Variants in SOX6 observed in about 807,000 individuals in gnomAD.
The protein encoded by SOX6 is transcription factor SOX-6.
SOX6 carries 11 observed loss-of-function variants against 97.8 expected under a neutral mutation model. The observed-to-expected ratio is 0.11, with a 90% CI of 0.07 to 0.19. The LOEUF is 0.19. Ranked by LOEUF, SOX6 falls within the 10% of genes least tolerant of loss-of-function variation. The probability of loss-of-function intolerance (pLI) is 1.00; values close to 1 mark genes in which losing one functional copy is unlikely to be tolerated. For synonymous variants in SOX6, 360 were observed against 371.4 expected (o/e 0.97, Z 0.35); for missense variants, 810 against 1,039.5 (o/e 0.78, Z 3.04).
At chr11:16,075,824 T>C (rs527739513) in intron 9 of SOX6, among the ~76,000 whole-genome samples, 2 of 151,566 alleles carry the variant, frequency 1.3e-5, no homozygotes, top group Non-Finnish European at 2.9e-5. Context: ...ATAAAGAAAT[T>C]CAAAAAAAGG....
chr11:16,611,513 T>C (rs1185074574), intron 4 of SOX6, among the ~76,000 whole-genome samples: 1 of 152,224 alleles, frequency 6.6e-6, no homozygotes, highest in Non-Finnish European at 1.5e-5. Context: ...TTGAAAACTT[T>C]AAGTCAGTAC....
chr11:16,049,868 G>A lies in SOX6; in HGVS notation c.1322C>T (p.Thr441Met), dbSNP rs756375984. The A allele has an allele frequency of 1.9e-5, 30 of 1,613,820 alleles. No individual in the cohort carries two copies. Among genetic ancestry groups the A allele is most frequent in the South Asian group, 2.2e-5 (2 of 91,072 alleles). ...TGGGAAGAGGTTCTGGGTGGGAGAC[G>A]TTGGGGACTTTACAGGCTCTGCTGT... The part of the protein sequence containing the change: ...PKTAEPVKSP[T>M]SPTQNLFPAS... Residue 441 changes from threonine (T) to methionine (M), a missense_variant, in exon 11 of 16, where the codon ACG (threonine) becomes ATG (methionine). Physicochemically the swap from Thr to Met is moderately conservative, Grantham distance 81. This residue lies in a region of SOX6 where 244 missense variants were observed against 261.0 expected (regional missense o/e 0.93). Transcript: ENST00000683767.
chr11:16,728,153 G>A (rs546457028), intron 2 of SOX6, among the ~76,000 whole-genome samples: 32 of 152,178 alleles, frequency 2.1e-4, no homozygotes, highest in Non-Finnish European at 3.7e-4. Flanking sequence ...GGGCACCTGT[G>A]GGCGCAGCTG....
chr11:16,193,526 A>C (rs936704356), intron 4 of SOX6, among the ~76,000 whole-genome samples: 5 of 152,234 alleles, frequency 3.3e-5, no homozygotes, highest in Non-Finnish European at 7.3e-5. Flanking sequence ...ATCAATGCAC[A>C]CATTAATAAA....
At chr11:16,629,955 C>G (rs1166880323) in intron 3 of SOX6, among the ~76,000 whole-genome samples, 3 of 152,004 alleles carry the variant, frequency 2.0e-5, no homozygotes, top group African/African-American at 7.2e-5. Flanking sequence ...CACCTTTTGT[C>G]ATTTCTGATG....
intron 4 of SOX6, among the ~76,000 whole-genome samples, chr11:16,544,564 A>G (rs1350019967): frequency 1.3e-5 from 2 of 152,122 alleles, no homozygotes; most frequent in Admixed American, 6.6e-5. Context: ...CCAGCCAAAA[A>G]GTGGTTTTGT....
At chr11:16,006,010 A>G (rs1854542755) in intron 13 of SOX6, among the ~76,000 whole-genome samples, 1 of 151,998 alleles carries the variant, frequency 6.6e-6, no homozygotes, top group Admixed American at 6.6e-5. Flanking sequence ...AAAGTACAAG[A>G]CTGATCTGTA....
intron 1 of SOX6, among the ~76,000 whole-genome samples, chr11:16,448,864 T>A (rs1033230000): frequency 1.4e-4 from 22 of 152,064 alleles, no homozygotes; most frequent in African/African-American, 4.8e-4. Flanking sequence ...AGATCCTGTC[T>A]TTACAAAAAA....
chr11:16,022,362 CCTTCCTT>C (rs1258597777), intron 12 of SOX6, among the ~76,000 whole-genome samples: 3 of 147,692 alleles, frequency 2.0e-5, no homozygotes, highest in Non-Finnish European at 4.5e-5. Flanking sequence ...TTCCTTCCTT[CCTTCCTT>C]CCTTCCTCCC....
At chr11:16,706,234 G>A (rs2134044434) in intron 3 of SOX6, among the ~76,000 whole-genome samples, 1 of 150,518 alleles carries the variant, frequency 6.6e-6, no homozygotes, top group East Asian at 2.0e-4. Context: ...GAGGCCTCCA[G>A]TTTGAGACCA....
intron 6 of SOX6, among the ~76,000 whole-genome samples, chr11:16,155,821 T>C (rs754901150): frequency 1.3e-5 from 2 of 152,102 alleles, no homozygotes; most frequent in Admixed American, 1.3e-4. Flanking sequence ...TAATAAAAAC[T>C]CTACCATAGG....
intron 1 of SOX6, among the ~76,000 whole-genome samples, chr11:16,421,192 A>T (rs189750314): frequency 1.7e-4 from 26 of 152,300 alleles, no homozygotes; most frequent in Admixed American, 1.7e-3. Flanking sequence ...AAATACACCA[A>T]AATAAAATAC....
chr11:16,129,017 TG>T (rs1849674031), intron 6 of SOX6, among the ~76,000 whole-genome samples: 2 of 149,856 alleles, frequency 1.3e-5, no homozygotes, highest in South Asian at 4.2e-4. Flanking sequence ...TGCAACGCCA[TG>T]CCTGGCATTT....
chr11:16,436,546 A>G (rs887439741), intron 1 of SOX6, among the ~76,000 whole-genome samples: 1 of 152,154 alleles, frequency 6.6e-6, no homozygotes, highest in Admixed American at 6.5e-5. Flanking sequence ...GTAATTTTGT[A>G]GTTAAGAGCA....
chr11:16,427,341 T>TA (rs398015414), intron 1 of SOX6, among the ~76,000 whole-genome samples: 2 of 151,314 alleles, frequency 1.3e-5, no homozygotes, highest in South Asian at 2.1e-4. Context: ...TTTTTTTTTT[T>TA]AATTATACTT....
intron 4 of SOX6, among the ~76,000 whole-genome samples, chr11:16,611,280 T>C (rs7115099): frequency 0.27 from 40,796 of 152,146 alleles, 6,230 homozygotes; most frequent in East Asian, 0.53. Flanking sequence ...ATAACGGCTA[T>C]TAAAACCTCG....
chr11:16,238,926 G>T (rs1307901631), intron 3 of SOX6, among the ~76,000 whole-genome samples: 1 of 151,834 alleles, frequency 6.6e-6, no homozygotes, highest in African/African-American at 2.4e-5. Flanking sequence ...TTTACCATAG[G>T]AATCATAAAT....
At chr11:16,377,427 T>C (rs1486145325) in intron 1 of SOX6, among the ~76,000 whole-genome samples, 1 of 152,102 alleles carries the variant, frequency 6.6e-6, no homozygotes, top group Non-Finnish European at 1.5e-5. Flanking sequence ...GTGAGGTTGT[T>C]CATGCTAGGT....
At chr11:16,408,027 A>C (rs6486289) in intron 1 of SOX6, among the ~76,000 whole-genome samples, 151,537 of 152,258 alleles carry the variant, frequency 1, 75,415 homozygotes, top group Middle Eastern at 1. Flanking sequence ...GAATAACAGG[A>C]AAGAATGCAA....
Sources: gnomAD v4.1 joint callset for allele counts (sites outside exome capture counted in the v4.1 genomes callset) on GRCh38, gnomAD v4.1.1 for gene constraint, gnomAD v4.1.1 regional missense constraint, MANE v1.5 for transcripts, NCBI Gene and HGNC (gene_info 2026-07-23, HGNC 2026-07-21) for gene names.